AP3B1: variants seen among roughly 807,000 people sequenced by gnomAD.
The protein encoded by AP3B1 is adaptor related protein complex 3 subunit beta 1, also known as AP-3 complex subunit beta-1.
Under a neutral mutation model 132.5 loss-of-function variants are expected in AP3B1, and 61 were observed. That is an observed-to-expected ratio of 0.46 (90% CI 0.37 to 0.57). The LOEUF is 0.57. AP3B1 is among the 20% of genes least tolerant of loss of function. AP3B1 has a pLI of 0.00. For synonymous variants in AP3B1, 388 were observed against 438.3 expected (o/e 0.89, Z 1.43); for missense variants, 1,120 against 1,289.4 (o/e 0.87, Z 2.01).
chr5:78,043,965 C>A, intron 22 of AP3B1: 1 of 309,014 alleles, frequency 3.2e-6, no homozygotes, highest in South Asian at 3.5e-5. Context: ...AAGGGTTTGT[C>A]AGGCTCTTAC....
At chr5:78,081,865 C>T (rs1174288874) in intron 22 of AP3B1, among the ~76,000 whole-genome samples, 1 of 151,344 alleles carries the variant, frequency 6.6e-6, no homozygotes, top group East Asian at 1.9e-4. Context: ...CATTTTAGAG[C>T]AAACTGATAT....
In AP3B1 at chr5:78,267,558, C is replaced by T; in HGVS notation, c.166G>A (p.Asp56Asn). ...TTCATAGCATCCAGTTTAGCAGAAT[C>T]TTTGTTGCTCTCTAACATTTGCTTT... Reference protein sequence around the residue: ...DLKQMLESNKDSAKLDAMKRI... With the variant: ...DLKQMLESNKNSAKLDAMKRI... Residue 56 changes from aspartate (D) to asparagine (N), a missense_variant, in exon 2 of 27, where the codon GAT becomes AAT. By Grantham distance (23) the Asp-to-Asn change is conservative. This residue lies in a region of AP3B1 where 85 missense variants were observed against 79.9 expected (regional missense o/e 1.06). Coordinates refer to ENST00000255194, the MANE Select transcript of AP3B1 (RefSeq NM_003664.5). The T allele has an allele frequency of 6.2e-7, 1 of 1,611,272 alleles. No homozygotes were observed. Among genetic ancestry groups the T allele is most frequent in the Non-Finnish European group, 8.5e-7 (1 of 1,178,330 alleles).
chr5:78,253,181 C>A (rs1460971426), intron 2 of AP3B1, among the ~76,000 whole-genome samples: 1 of 152,240 alleles, frequency 6.6e-6, no homozygotes, highest in Non-Finnish European at 1.5e-5. Flanking sequence ...GCTTGGGGTG[C>A]CCCCTAAAGC....
chr5:78,055,399 A>C (rs551005392), intron 22 of AP3B1, among the ~76,000 whole-genome samples: 26 of 152,342 alleles, frequency 1.7e-4, no homozygotes, highest in South Asian at 4.1e-4. Flanking sequence ...CCTTCAAGCT[A>C]TTTGATGAGA....
At chr5:78,157,898 G>C (rs775763402) in intron 13 of AP3B1, among the ~76,000 whole-genome samples, 1 of 151,796 alleles carries the variant, frequency 6.6e-6, no homozygotes, top group Admixed American at 6.6e-5. Flanking sequence ...TTACAGGCGC[G>C]CGCCACCACG....
At chr5:78,150,839 T>C (rs187246443) in intron 14 of AP3B1, among the ~76,000 whole-genome samples, 16 of 152,286 alleles carry the variant, frequency 1.1e-4, no homozygotes, top group Admixed American at 4.6e-4. Flanking sequence ...ACCCTGCACT[T>C]AGATTCCCCA....
chr5:78,178,433 C>T (rs1391091999), intron 8 of AP3B1, among the ~76,000 whole-genome samples: 1 of 152,072 alleles, frequency 6.6e-6, no homozygotes, highest in African/African-American at 2.4e-5. Flanking sequence ...GCATCCTGGC[C>T]AACATGGTAA....
intron 21 of AP3B1, among the ~76,000 whole-genome samples, chr5:78,096,885 TAGGGGG>T (rs1750834226): frequency 8.8e-6 from 1 of 113,142 alleles, no homozygotes; most frequent in East Asian, 2.7e-4. Context: ...GGGAGGGAGG[TAGGGGG>T]TCAGCCCCCC....
chr5:78,225,436 C>T (rs4345296), intron 6 of AP3B1, 106 bp downstream of exon 6: 3 of 612,778 alleles, frequency 4.9e-6, no homozygotes, highest in South Asian at 3.2e-5. Flanking sequence ...AATATTTATA[C>T]CATTTTGAAA....
chr5:78,059,398 C>T (rs914705635), intron 22 of AP3B1, among the ~76,000 whole-genome samples: 1 of 152,226 alleles, frequency 6.6e-6, no homozygotes, highest in African/African-American at 2.4e-5. Context: ...TAATGTGTTA[C>T]ATCAGTGACT....
At chr5:78,068,130 G>A (rs1749372891) in intron 22 of AP3B1, among the ~76,000 whole-genome samples, 1 of 152,120 alleles carries the variant, frequency 6.6e-6, no homozygotes, top group African/African-American at 2.4e-5. Flanking sequence ...TTGGAGACCA[G>A]CCTGACCAAC....
At chr5:78,003,767 C>G (rs1297416948) in intron 26 of AP3B1, among the ~76,000 whole-genome samples, 1 of 152,102 alleles carries the variant, frequency 6.6e-6, no homozygotes, top group Non-Finnish European at 1.5e-5. Flanking sequence ...CTCTAAATTC[C>G]AAGACATGAA....
chr5:78,173,144 T>C lies in AP3B1; in HGVS notation c.1167+2482A>G, dbSNP rs1455155345. Among the ~76,000 whole-genome samples, 3 of 152,208 alleles carry C rather than the reference T, an allele frequency of 2.0e-5. No individual in the cohort carries two copies. In the East Asian group the frequency reaches 5.8e-4, roughly 29 times the overall value. ...TGAGAGTTTGTTGTGATTTCTGTTC[T>C]TTTACATTTGCTGAGGAGTGCTTTA... On this transcript the variant is annotated intron_variant, in intron 11 of 26. Transcript: ENST00000255194.
Position 78,039,098 on chromosome 5 carries a change from G to A in AP3B1, c.2754C>T (p.His918=). 1.2e-6 allele frequency: 2 copies of A among 1,611,808 alleles called. No individual in the cohort carries two copies. Among genetic ancestry groups the A allele is most frequent in the Non-Finnish European group, 1.7e-6 (2 of 1,178,774 alleles). Residue 918 remains histidine, a synonymous_variant, in exon 23 of 27, where the codon CAC becomes CAT. Coordinates refer to ENST00000255194, the MANE Select transcript of AP3B1 (RefSeq NM_003664.5). Reference sequence around the variant, plus strand: ...CTATAGGAAGTTTTTTTTCCCCTATGTGGATATTTTCTATCTTTCGATCAG... The same window carrying A: ...CTATAGGAAGTTTTTTTTCCCCTATATGGATATTTTCTATCTTTCGATCAG... ...NTTDRKIENI[H]IGEKKLPIGM...
At chr5:78,004,331 G>A (rs950393623) in intron 26 of AP3B1, among the ~76,000 whole-genome samples, 7 of 152,100 alleles carry the variant, frequency 4.6e-5, no homozygotes, top group Admixed American at 1.3e-4. Flanking sequence ...CAGAGCCCAC[G>A]GTGTCCACAG....
chr5:78,005,589 A>C (rs549914956), intron 26 of AP3B1, among the ~76,000 whole-genome samples: 1 of 152,360 alleles, frequency 6.6e-6, no homozygotes, highest in South Asian at 2.1e-4. Context: ...TCATCCTAGC[A>C]ACATAATCTG....
intron 1 of AP3B1, among the ~76,000 whole-genome samples, chr5:78,268,330 A>C (rs1285731918): frequency 2.0e-5 from 3 of 152,138 alleles, no homozygotes; most frequent in Non-Finnish European, 2.9e-5. Context: ...TTACTTAATG[A>C]CTATGTATAC....
At chr5:78,214,128 G>A (rs1166106010) in intron 7 of AP3B1, among the ~76,000 whole-genome samples, 1 of 152,228 alleles carries the variant, frequency 6.6e-6, no homozygotes, top group African/African-American at 2.4e-5. Flanking sequence ...TGGATTGCAA[G>A]TAAGTGGCAA....
intron 24 of AP3B1, among the ~76,000 whole-genome samples, chr5:78,026,043 T>G: frequency 6.6e-6 from 1 of 152,236 alleles, no homozygotes; most frequent in East Asian, 1.9e-4. Context: ...GCCTTCTTTT[T>G]GATTTATTTC....
Sources: allele counts gnomAD v4.1 joint callset (sites outside exome capture counted in the v4.1 genomes callset), GRCh38; gene constraint gnomAD v4.1.1; regional missense constraint gnomAD v4.1.1; transcripts MANE v1.5; gene names NCBI Gene and HGNC (gene_info 2026-07-23, HGNC 2026-07-21).